Variants in CCSER2 observed in about 807,000 individuals in gnomAD.
CCSER2 encodes serine-rich coiled-coil domain-containing protein 2.
CCSER2 carries 46 observed loss-of-function variants against 92.3 expected under a neutral mutation model. The observed-to-expected ratio is 0.50, with a 90% CI of 0.39 to 0.64. CCSER2 has a LOEUF of 0.64. Ranked by LOEUF, CCSER2 falls within the 30% of genes least tolerant of loss-of-function variation. The pLI is 0.00. For missense variants in CCSER2, 1,244 were observed against 1,238.9 expected, an observed-to-expected ratio of 1.00 and a Z score of -0.06; for synonymous variants, 433 against 431.4, an observed-to-expected ratio of 1.00 and a Z score of -0.04.
intron 1 of CCSER2, among the ~76,000 whole-genome samples, chr10:84,352,323 A>C (rs1478239375): frequency 6.6e-6 from 1 of 151,998 alleles, no homozygotes; most frequent in East Asian, 1.9e-4. Context: ...AAAACAAAAT[A>C]GGTGATTTGT....
At chr10:84,496,021 T>C (rs1848430889) in intron 9 of CCSER2, among the ~76,000 whole-genome samples, 1 of 150,744 alleles carries the variant, frequency 6.6e-6, no homozygotes, top group South Asian at 2.1e-4. Context: ...TTTTTAATAA[T>C]TCTATTTTTA....
In CCSER2 at chr10:84,349,206, T is replaced by G. The variant is rs149957747; in HGVS notation, c.-40+20398T>G. On this transcript the variant is annotated intron_variant, in intron 1 of 9. Coordinates refer to ENST00000372088, the MANE Select transcript of CCSER2 (RefSeq NM_001284240.2). ...GGTGACTTAAAGTTGGATTCCTGTT[T>G]TGATCCACATCCATGCCTCCCACAA... 6.1e-3 allele frequency among the ~76,000 whole-genome samples: 933 copies of G among 152,336 alleles called. 5 individuals are homozygous for G. Among genetic ancestry groups the G allele is most frequent in the African/African-American group, 0.021 (853 of 41,564 alleles).
At chr10:84,439,540 A>G (rs1475092563) in intron 6 of CCSER2, among the ~76,000 whole-genome samples, 9 of 152,200 alleles carry the variant, frequency 5.9e-5, no homozygotes, top group Non-Finnish European at 1.3e-4. Flanking sequence ...CATGCAGTAT[A>G]TGCACACGAA....
chr10:84,408,504 T>C (rs564187257), intron 3 of CCSER2, among the ~76,000 whole-genome samples: 84 of 152,280 alleles, frequency 5.5e-4, no homozygotes, highest in African/African-American at 1.9e-3. Context: ...TGGGCTTTTT[T>C]AGTAACTTCA....
chr10:84,404,570 C>T (rs1011380236), intron 3 of CCSER2, among the ~76,000 whole-genome samples: 6 of 152,110 alleles, frequency 3.9e-5, no homozygotes, highest in Non-Finnish European at 7.4e-5. Flanking sequence ...CCACCACAGT[C>T]GAGCATGTTT....
intron 9 of CCSER2, among the ~76,000 whole-genome samples, chr10:84,478,156 G>A (rs1167800457): frequency 6.6e-6 from 1 of 152,178 alleles, no homozygotes; most frequent in Non-Finnish European, 1.5e-5. Flanking sequence ...GTTTTAGGCA[G>A]AACTAGGGAA....
In CCSER2 at chr10:84,477,671, A is replaced by G; in HGVS notation, c.2325+7A>G. ...ACCCTGGAGACGAATTCCTGTAAGTAACATTTGCTCTTAGCCTCCTCTCCA... is the reference window on the plus strand; with the variant it reads ...ACCCTGGAGACGAATTCCTGTAAGTGACATTTGCTCTTAGCCTCCTCTCCA... On this transcript the variant is annotated splice_region_variant and intron_variant, in intron 9 of 9. Coordinates refer to ENST00000372088, the MANE Select transcript of CCSER2 (RefSeq NM_001284240.2). 1.3e-6 allele frequency: 2 copies of G among 1,523,630 alleles called. No homozygotes were observed. Among genetic ancestry groups the G allele is most frequent in the South Asian group, 2.3e-5 (2 of 88,276 alleles). 94.4% of individuals were successfully genotyped at this position (1,523,630 alleles called of 1,614,324 possible).
At chr10:84,455,007 A>G (rs1242288937) in intron 6 of CCSER2, among the ~76,000 whole-genome samples, 1 of 152,066 alleles carries the variant, frequency 6.6e-6, no homozygotes, top group Non-Finnish European at 1.5e-5. Context: ...GTCTCATGAG[A>G]TCTGATGGTT....
intron 8 of CCSER2, among the ~76,000 whole-genome samples, chr10:84,474,661 T>G (rs954852719): frequency 2.7e-4 from 17 of 62,626 alleles, no homozygotes; most frequent in African/African-American, 1.1e-3. Flanking sequence ...AGACTCCATC[T>G]CAAAAAAAAA....
rs907637255 is a variant in CCSER2, at chr10:84,348,297, C to T, written c.-40+19489C>T. ...GAAACCCCGTCTCCACCAAAAAATA[C>T]GAAAACCAGTCAGGCGTGGCGGCAC... On this transcript the variant is annotated intron_variant, in intron 1 of 9. Transcript: ENST00000372088. 3.9e-4 allele frequency among the ~76,000 whole-genome samples: 60 copies of T among 152,352 alleles called. 1 individual carries two copies. Among genetic ancestry groups the T allele is most frequent in the Admixed American group, 2.6e-3 (40 of 15,308 alleles).
intron 6 of CCSER2, among the ~76,000 whole-genome samples, chr10:84,445,422 G>A (rs1043794773): frequency 1.3e-5 from 2 of 152,162 alleles, no homozygotes; most frequent in Non-Finnish European, 2.9e-5. Flanking sequence ...CAAAGTGCTG[G>A]GATTACAGGC....
chr10:84,465,261 G>A lies in CCSER2; in HGVS notation c.2148+1245G>A, dbSNP rs1345636419. 3.6e-5 allele frequency among the ~76,000 whole-genome samples: 4 copies of A among 112,460 alleles called. 1 individual carries two copies. Among genetic ancestry groups the A allele is most frequent in the Non-Finnish European group, 6.3e-5 (4 of 63,254 alleles). 73.8% of individuals were successfully genotyped at this position (112,460 alleles called of 152,430 possible). A position where few individuals can be genotyped will look rare whatever the true frequency, so the allele number is the denominator to read the frequency against. ...AATTTGTGTGTGTGTGTGTGTGTGT[G>A]TGTGTGTGTGTGTGTGTGTGTGTGT... On this transcript the variant is annotated intron_variant, in intron 7 of 9. Coordinates refer to ENST00000372088, the MANE Select transcript of CCSER2 (RefSeq NM_001284240.2).
chr10:84,457,864 C>G (rs1266864084), intron 6 of CCSER2, among the ~76,000 whole-genome samples: 2 of 151,086 alleles, frequency 1.3e-5, no homozygotes, highest in Non-Finnish European at 2.9e-5. Flanking sequence ...GTCTCAGCCT[C>G]TGGAGTAGCT....
At chr10:84,453,738 T>C (rs1338634166) in intron 6 of CCSER2, among the ~76,000 whole-genome samples, 1 of 152,230 alleles carries the variant, frequency 6.6e-6, no homozygotes, top group African/African-American at 2.4e-5. Context: ...CCATTTTTGT[T>C]GTAGTATTTT....
chr10:84,442,308 A>G (rs986339421), intron 6 of CCSER2, among the ~76,000 whole-genome samples: 2 of 152,168 alleles, frequency 1.3e-5, no homozygotes, highest in East Asian at 1.9e-4. Flanking sequence ...TGAAATTTTG[A>G]ATTGTATATT....
chr10:84,347,396 C>CG (rs1844555422), intron 1 of CCSER2, among the ~76,000 whole-genome samples: 1 of 148,678 alleles, frequency 6.7e-6, no homozygotes, highest in Admixed American at 6.7e-5. Context: ...GGCGGCTGGC[C>CG]GGGGAGGGGG....
rs559257951 is a variant in CCSER2 at position 84,402,162 on chromosome 10, G to T, written c.1615-15609G>T. On this transcript the variant is annotated intron_variant, in intron 3 of 9. Coordinates refer to ENST00000372088, the MANE Select transcript of CCSER2 (RefSeq NM_001284240.2). ...AAAAACTCTTAAATTTTCGCATTGT[G>T]TGTGTTTCATTGAAGCCATGTCCAC... Among the ~76,000 whole-genome samples, 200 of 152,234 alleles carry T rather than the reference G, an allele frequency of 1.3e-3. 1 individual carries two copies. The highest frequency in any genetic ancestry group is 2.4e-3 in the Non-Finnish European group (163 of 68,012).
chr10:84,464,067 A>T, intron 7 of CCSER2, 51 bp downstream of exon 7: 1 of 849,246 alleles, frequency 1.2e-6, no homozygotes, highest in Non-Finnish European at 1.9e-6. Context: ...TTAAATACTA[A>T]AATAATGATA....
intron 9 of CCSER2, among the ~76,000 whole-genome samples, chr10:84,509,160 T>C (rs1287183276): frequency 6.6e-6 from 1 of 152,220 alleles, no homozygotes; most frequent in East Asian, 1.9e-4. Context: ...CAATTGTTTT[T>C]TCCTATTAGA....
Sources: allele counts gnomAD v4.1 joint callset (sites outside exome capture counted in the v4.1 genomes callset), GRCh38; gene constraint gnomAD v4.1.1; transcripts MANE v1.5; gene names NCBI Gene and HGNC (gene_info 2026-07-23, HGNC 2026-07-21).